The following PIEZO2 variants were observed in gnomAD, a reference collection of about 807,000 sequenced individuals.
PIEZO2 encodes piezo type mechanosensitive ion channel component 2.
PIEZO2 carries 172 observed loss-of-function variants against 337.3 expected under a neutral mutation model. The ratio of observed to expected loss-of-function variants is 0.51; its 90% CI spans 0.45 to 0.58. The LOEUF is 0.58. Among genes scored for constraint, PIEZO2 ranks in the 20% least tolerant of loss-of-function variants. PIEZO2 has a pLI of 0.00. For synonymous variants in PIEZO2, 1,251 were observed against 1,228.5 expected (o/e 1.02, Z -0.38); for missense variants, 3,028 against 3,391.3 (o/e 0.89, Z 2.66).
At chr18:10,908,076 C>T (rs961289970) in intron 4 of PIEZO2, among the ~76,000 whole-genome samples, 2 of 152,152 alleles carry the variant, frequency 1.3e-5, no homozygotes, top group African/African-American at 4.8e-5. Flanking sequence ...ATGAGTACAG[C>T]CACATAAACT....
At chr18:10,740,537 G>A (rs2037175834) in intron 33 of PIEZO2, 1 of 154,552 alleles carries the variant, frequency 6.5e-6, no homozygotes, top group African/African-American at 2.4e-5. Context: ...TCAAAGCTGT[G>A]GGAATGAGGG....
At chr18:11,049,890 A>G (rs2037462397) in intron 2 of PIEZO2, among the ~76,000 whole-genome samples, 1 of 152,178 alleles carries the variant, frequency 6.6e-6, no homozygotes. Flanking sequence ...ATGAAAACGG[A>G]GTAATACAAA....
At position 11,086,707 on chromosome 18, in the gene PIEZO2, G is replaced by T. The variant is rs574774296; in HGVS notation, c.65-20485C>A. Among the ~76,000 whole-genome samples, 8 of 151,686 alleles carry T rather than the reference G, an allele frequency of 5.3e-5. No individual in the cohort carries two copies. In the East Asian group the frequency reaches 1.4e-3, roughly 26 times the overall value. On this transcript the variant is annotated intron_variant, in intron 1 of 55. Coordinates refer to ENST00000674853, the MANE Select transcript of PIEZO2 (RefSeq NM_001378183.1). ...TATATTGTGATAATGGATCCCTGCT[G>T]CTCCAGCCAAACTTTCTTACAATAA...
chr18:11,067,550 T>A (rs770777644), intron 1 of PIEZO2, among the ~76,000 whole-genome samples: 3 of 152,214 alleles, frequency 2.0e-5, no homozygotes, highest in African/African-American at 7.2e-5. Flanking sequence ...TGGAAAAAGA[T>A]ATTCTATGCA....
rs1555645291 is a variant in PIEZO2 at position 10,781,472 on chromosome 18, A to AT, written c.2493-1107dup. 0.23 allele frequency among the ~76,000 whole-genome samples: 30,255 copies of AT among 131,832 alleles called. 3,179 individuals carry two copies. Among genetic ancestry groups the AT allele is most frequent in the East Asian group, 0.37 (1,769 of 4,726 alleles). The allele number at this position is 131,832 out of a possible 152,430, so 86.5% of individuals were successfully genotyped here. On this transcript the variant is annotated intron_variant, in intron 17 of 55. Coordinates refer to ENST00000674853, the MANE Select transcript of PIEZO2 (RefSeq NM_001378183.1). This position sits in a 1 kb window ranked among gnomAD's most constrained non-coding sequence, Gnocchi z 4.1. ...GCAACAGAGCGAGACTCCGTTTCAA[A>AT]TAAAAAAAAAAACCAGTAATGAATA...
At position 11,064,592 on chromosome 18, in the gene PIEZO2, G is replaced by A. The variant is rs562532152; in HGVS notation, c.160+1535C>T. Among the ~76,000 whole-genome samples, 6 of 152,296 alleles carry A rather than the reference G, an allele frequency of 3.9e-5. No individual in the cohort carries two copies. In the South Asian group the frequency reaches 1.0e-3, roughly 26 times the overall value. On this transcript the variant is annotated intron_variant, in intron 2 of 55. Transcript: ENST00000674853. ...TCCTTGGCACATCTGAGTATGAACT[G>A]ATGTCCATAAACCATCAACTGTTTG...
chr18:11,029,618 C>T (rs766987299), intron 2 of PIEZO2, among the ~76,000 whole-genome samples: 8 of 152,180 alleles, frequency 5.3e-5, no homozygotes, highest in Non-Finnish European at 1.0e-4. Context: ...CTATTTACAA[C>T]TTCAGTGCTT....
rs2039326918 is a variant in PIEZO2, at chr18:10,789,145, C to G, written c.2103G>C (p.Glu701Asp). 2 of 1,537,260 alleles carry G rather than the reference C, an allele frequency of 1.3e-6. No homozygotes were observed. The highest frequency in any genetic ancestry group is 1.4e-5 in the African/African-American group (1 of 73,162). Residue 701 changes from glutamate (E) to aspartate (D), a missense_variant, in exon 15 of 56, where the codon GAG becomes GAC. By Grantham distance (45) the Glu-to-Asp change is conservative. This residue lies in a region of PIEZO2 where 1,925 missense variants were observed against 2,051.9 expected (regional missense o/e 0.94). Transcript: ENST00000674853. ...TGATTTTGTACATTACGATTTTACCCTCGAAGCTGACGAAGAAGAACATGC... is the reference window on the plus strand; with the variant it reads ...TGATTTTGTACATTACGATTTTACCGTCGAAGCTGACGAAGAAGAACATGC... ...CGGMFFFVSF[E>D]GKIVMYKIIY...
In PIEZO2 at chr18:10,819,213, A is replaced by T. The variant is rs997950647; in HGVS notation, c.918-11939T>A. ...GGAATAATTACATGGGTAATTTAAC[A>T]GTGGATTTGGATAAAACTGGAGGCA... On this transcript the variant is annotated intron_variant, in intron 7 of 55. Coordinates refer to ENST00000674853, the MANE Select transcript of PIEZO2 (RefSeq NM_001378183.1). This position sits in a 1 kb window ranked among gnomAD's most constrained non-coding sequence, Gnocchi z 4.3. Among the ~76,000 whole-genome samples, 5 of 152,360 alleles carry T rather than the reference A, an allele frequency of 3.3e-5. No homozygotes were observed. Among genetic ancestry groups the T allele is most frequent in the African/African-American group, 1.2e-4 (5 of 41,592 alleles).
At chr18:10,801,346 A>T (rs370808555) in intron 10 of PIEZO2, 44 bp downstream of exon 10, 3 of 1,431,712 alleles carry the variant, frequency 2.1e-6, no homozygotes, top group Non-Finnish European at 2.8e-6. Flanking sequence ...TTGCCTTTAC[A>T]TCACTTACAC....
rs1366546138 is a variant in PIEZO2 at position 10,797,486 on chromosome 18, A to C, written c.1415T>G (p.Phe472Cys). ...REEEEEEKEE[F>C]EEERSREEKR... The stretch of plus-strand genomic sequence containing the variant: ...TTCCTCACGGCTCCTTTCTTCTTCA[A>C]ATTCTTCTTTCTCTTCCTCTTCCTC... Residue 472 changes from phenylalanine to cysteine, a missense_variant, in exon 12 of 56, where the codon TTT (phenylalanine) becomes TGT (cysteine). By Grantham distance (205) the Phe-to-Cys change is radical. This residue lies in a region of PIEZO2 where 542 missense variants were observed against 605.6 expected (regional missense o/e 0.89). Coordinates refer to ENST00000674853, the MANE Select transcript of PIEZO2 (RefSeq NM_001378183.1). The C allele has an allele frequency of 6.5e-7, 1 of 1,536,996 alleles. No individual in the cohort carries two copies. The highest frequency in any genetic ancestry group is 2.4e-5 in the East Asian group (1 of 40,886).
chr18:10,798,209 G>C (rs1258896276), intron 11 of PIEZO2, among the ~76,000 whole-genome samples: 1 of 152,228 alleles, frequency 6.6e-6, no homozygotes, highest in East Asian at 1.9e-4. Context: ...TGATGGCCAG[G>C]TTCCTGGTCC....
intron 7 of PIEZO2, among the ~76,000 whole-genome samples, chr18:10,814,543 C>T (rs2040303973): frequency 6.6e-6 from 1 of 152,098 alleles, no homozygotes; most frequent in South Asian, 2.1e-4. Context: ...GAATTTGAGT[C>T]CAAACTACAG....
chr18:10,675,381 C>A, intron 53 of PIEZO2, 93 bp from the exon 54 acceptor site: 1 of 690,792 alleles, frequency 1.4e-6, no homozygotes, highest in East Asian at 2.9e-5. Context: ...CTTGTATCAC[C>A]AAATAATAGT....
rs775996099 is a variant in PIEZO2, at chr18:10,752,678, G to T, written c.4125C>A (p.Ile1375=). The change falls in exon 28 of 56, where the codon ATC becomes ATA. Residue 1375 remains isoleucine, a synonymous_variant. Transcript: ENST00000674853. ...KSILRYWDWL[I]AYNVFVITMK... ...TCGTAATCACAAAAACGTTGTATGCGATCAGCCAGTCCCAGTAGCGCAGGA... is the reference window on the plus strand; with the variant it reads ...TCGTAATCACAAAAACGTTGTATGCTATCAGCCAGTCCCAGTAGCGCAGGA... 3 of 1,537,188 alleles carry T rather than the reference G, an allele frequency of 2.0e-6. No homozygotes were observed. Among genetic ancestry groups the T allele is most frequent in the Non-Finnish European group, 2.6e-6 (3 of 1,146,900 alleles).
In PIEZO2 at chr18:10,773,376, C is replaced by T. The variant is rs375493532; in HGVS notation, c.2785+36G>A. ...TTCCTTCACTCAGTCTGACAGCCAG[C>T]GTTCTCTGACCAGCTGCTGGTAGTG... On this transcript the variant is annotated intron_variant, in intron 20 of 55. Coordinates refer to ENST00000674853, the MANE Select transcript of PIEZO2 (RefSeq NM_001378183.1). This position sits in a 1 kb window ranked among gnomAD's most constrained non-coding sequence, Gnocchi z 5.3. The T allele has an allele frequency of 2.6e-5, 39 of 1,523,682 alleles. No individual in the cohort carries two copies. The highest frequency in any genetic ancestry group is 1.6e-4 in the African/African-American group (12 of 72,730). 94.4% of individuals were successfully genotyped at this position (1,523,682 alleles called of 1,614,324 possible).
chr18:10,969,919 G>A lies in PIEZO2; in HGVS notation c.286+9616C>T, dbSNP rs1260599912. Among the ~76,000 whole-genome samples the A allele has an allele frequency of 6.6e-6, 1 of 151,144 alleles. No homozygotes were observed. The highest frequency in any genetic ancestry group is 1.5e-5 in the Non-Finnish European group (1 of 67,826). ...CATACCTTTATTTCTCCTTTTTTTG[G>A]CTGCTATTAATTCATTTATTCATTC... On this transcript the variant is annotated intron_variant, in intron 3 of 55. Transcript: ENST00000674853. The surrounding 1 kb of genome is among the most constrained non-coding windows in gnomAD (Gnocchi z 4.5).
rs6505600 is a variant in PIEZO2, at chr18:10,817,535, G to A, written c.918-10261C>T. Among the ~76,000 whole-genome samples the A allele has an allele frequency of 2.9e-3, 446 of 152,238 alleles. 3 individuals carry two copies. Among genetic ancestry groups the A allele is most frequent in the African/African-American group, 0.01 (423 of 41,556 alleles). ...TAGACCATATTTTTACACACTATAAGACAATTTGATTATGACCTTCTAAAG... is the reference window on the plus strand; with the variant it reads ...TAGACCATATTTTTACACACTATAAAACAATTTGATTATGACCTTCTAAAG... On this transcript the variant is annotated intron_variant, in intron 7 of 55. Transcript: ENST00000674853.
intron 1 of PIEZO2, among the ~76,000 whole-genome samples, chr18:11,118,377 G>T (rs1286231543): frequency 1.3e-5 from 2 of 152,180 alleles, no homozygotes; most frequent in Non-Finnish European, 2.9e-5. Context: ...AAATGATTGA[G>T]ATGCCTGGAG....
Sources: gnomAD v4.1 joint callset for allele counts (sites outside exome capture counted in the v4.1 genomes callset) on GRCh38, gnomAD v4.1.1 for gene constraint, gnomAD v4.1.1 regional missense constraint, Gnocchi (gnomAD v3.1) non-coding constraint, MANE v1.5 for transcripts, NCBI Gene and HGNC (gene_info 2026-07-23, HGNC 2026-07-21) for gene names.